Variants in RMND5B observed in about 807,000 individuals in gnomAD.
The protein encoded by RMND5B is required for meiotic nuclear division 5 homolog B.
A neutral mutation model predicts 50.4 loss-of-function variants in RMND5B; 42 were observed. The ratio of observed to expected loss-of-function variants is 0.83; its 90% confidence interval spans 0.65 to 1.08. The LOEUF is 1.08. Among genes scored for constraint, RMND5B ranks in the 50% least tolerant of loss-of-function variants. The pLI is 0.00. For missense variants in RMND5B, 463 were observed against 508.5 expected (o/e 0.91, Z 0.86); for synonymous variants, 220 against 210.0 (o/e 1.05, Z -0.41).
intron 8 of RMND5B, 196 bp from the exon 9 acceptor site, chr5:178,147,337 A>G: frequency 3.4e-6 from 2 of 589,358 alleles, no homozygotes; most frequent in Non-Finnish European, 6.0e-6. Context: ...GTGCATTAGA[A>G]TGAGTCTGTA....
intron 7 of RMND5B, among the ~76,000 whole-genome samples, chr5:178,145,120 G>A (rs964774972): frequency 6.6e-6 from 1 of 152,022 alleles, no homozygotes; most frequent in Non-Finnish European, 1.5e-5. Context: ...TGTGATCCCG[G>A]CTCACTGCAA....
Position 178,137,637 on chromosome 5 carries a change from C to T in RMND5B, c.-12-471C>T, listed in dbSNP as rs1758688558. Among the ~76,000 whole-genome samples the T allele has an allele frequency of 6.6e-6, 1 of 152,132 alleles. No homozygotes were observed. The highest frequency in any genetic ancestry group is 2.1e-4 in the South Asian group (1 of 4,826). On this transcript the variant is annotated intron_variant, in intron 2 of 10. Coordinates refer to ENST00000313386, the MANE Select transcript of RMND5B (RefSeq NM_022762.5). This position sits in a 1 kb window ranked among gnomAD's most constrained non-coding sequence, Gnocchi z 4.4. Reference sequence around the variant, plus strand: ...CTGGGGGGATCAAGGTTGCCATGAGCTGAGTTTGTGCCACTGCACTCTAGC... The same window carrying T: ...CTGGGGGGATCAAGGTTGCCATGAGTTGAGTTTGTGCCACTGCACTCTAGC...
Position 178,150,538 on chromosome 5 carries a change from C to A in RMND5B, c.*2506C>A. ...GGGACTACAGGCATGTGCCACCACA[C>A]CCAGCTAATTAAAAAAATTTTTTTT... On this transcript the variant is annotated 3_prime_UTR_variant, in exon 11 of 11. Transcript: ENST00000313386. 1 of 383,364 alleles carries A rather than the reference C, an allele frequency of 2.6e-6. No individual in the cohort carries two copies. Among genetic ancestry groups the A allele is most frequent in the East Asian group, 6.6e-5 (1 of 15,052 alleles). The allele number at this position is 383,364 out of a possible 1,614,324, so 23.7% of individuals were successfully genotyped here. A position where few individuals can be genotyped will look rare whatever the true frequency, so the allele number is the denominator to read the frequency against.
chr5:178,132,225 G>A (rs1758353070), intron 2 of RMND5B, among the ~76,000 whole-genome samples: 1 of 152,170 alleles, frequency 6.6e-6, no homozygotes, highest in African/African-American at 2.4e-5. Flanking sequence ...AGGATCACTT[G>A]AGGCCAGGAG....
At position 178,150,001 on chromosome 5, in the gene RMND5B, C is replaced by T; in HGVS notation, c.*1969C>T. 1 of 720,202 alleles carries T rather than the reference C, an allele frequency of 1.4e-6. No homozygotes were observed. The highest frequency in any genetic ancestry group is 1.9e-5 in the South Asian group (1 of 52,522). The allele number at this position is 720,202 out of a possible 1,614,324, so 44.6% of individuals were successfully genotyped here. Reference sequence around the variant, plus strand: ...TGAATTGGTTGCCATCATTTAAACTCAATCAGACTTTGAAGGCATGGTCCA... The same window carrying T: ...TGAATTGGTTGCCATCATTTAAACTTAATCAGACTTTGAAGGCATGGTCCA... On this transcript the variant is annotated 3_prime_UTR_variant, in exon 11 of 11. Coordinates refer to ENST00000313386, the MANE Select transcript of RMND5B (RefSeq NM_022762.5).
At chr5:178,142,488 C>CTACG in intron 3 of RMND5B, 95 bp from the exon 4 acceptor site, 1 of 1,408,828 alleles carries the variant, frequency 7.1e-7, no homozygotes, top group Non-Finnish European at 9.7e-7. Context: ...GCCTCCTGGG[C>CTACG]TACGGGGCTG....
Position 178,148,781 on chromosome 5 carries a change from C to CT in RMND5B, c.*751dup, listed in dbSNP as rs1756180403. Reference sequence around the variant, plus strand: ...GCTTTTACATATACCCATACCAGATCTTACTAACTCCATAGGAGAAATCCG... The same window carrying CT: ...GCTTTTACATATACCCATACCAGATCTTTACTAACTCCATAGGAGAAATCCG... On this transcript the variant is annotated 3_prime_UTR_variant, in exon 11 of 11. Transcript: ENST00000313386. 1 of 152,416 alleles carries CT rather than the reference C, an allele frequency of 6.6e-6. No individual in the cohort carries two copies. The highest frequency in any genetic ancestry group is 1.5e-5 in the Non-Finnish European group (1 of 68,218). 9.4% of individuals were successfully genotyped at this position (152,416 alleles called of 1,614,324 possible). A position where few individuals can be genotyped will look rare whatever the true frequency, so the allele number is the denominator to read the frequency against.
chr5:178,136,942 C>T (rs182923727), intron 2 of RMND5B, among the ~76,000 whole-genome samples: 1 of 152,120 alleles, frequency 6.6e-6, no homozygotes, highest in Non-Finnish European at 1.5e-5. Flanking sequence ...TGTGTTGCAG[C>T]AAGAGAGGTT....
At position 178,142,150 on chromosome 5, in the gene RMND5B, T is replaced by G. The variant is rs115360622; in HGVS notation, c.140-433T>G. ...AAATATTGCTGCTATAAATATTCAC[T>G]TACAAGTTTTTGTGTGGACATATGT... On this transcript the variant is annotated intron_variant, in intron 3 of 10. Coordinates refer to ENST00000313386, the MANE Select transcript of RMND5B (RefSeq NM_022762.5). 313 of 163,608 alleles carry G rather than the reference T, an allele frequency of 1.9e-3. 1 individual carries two copies. Among genetic ancestry groups the G allele is most frequent in the African/African-American group, 7.0e-3 (294 of 41,774 alleles). The allele number at this position is 163,608 out of a possible 1,614,324, so 10.1% of individuals were successfully genotyped here.
intron 7 of RMND5B, 98 bp from the exon 8 acceptor site, chr5:178,146,016 C>T (rs902074327): frequency 7.8e-6 from 10 of 1,284,118 alleles, no homozygotes; most frequent in Non-Finnish European, 1.1e-5. Context: ...AGCCACCGGG[C>T]TCAGCATATT....
chr5:178,149,941 G>C lies in RMND5B; in HGVS notation c.*1909G>C, dbSNP rs1172260579. ...CCAGCCTAATCTGGCCCACAACCAT[G>C]TTCTGTTCGGTCCATGTTCTATTTA... On this transcript the variant is annotated 3_prime_UTR_variant, in exon 11 of 11. Coordinates refer to ENST00000313386, the MANE Select transcript of RMND5B (RefSeq NM_022762.5). 1 of 1,246,184 alleles carries C rather than the reference G, an allele frequency of 8.0e-7. No individual in the cohort carries two copies. Among genetic ancestry groups the C allele is most frequent in the Non-Finnish European group, 1.1e-6 (1 of 874,906 alleles). The allele number at this position is 1,246,184 out of a possible 1,614,324, so 77.2% of individuals were successfully genotyped here.
At chr5:178,147,368 C>A in intron 8 of RMND5B, 165 bp from the exon 9 acceptor site, 1 of 615,334 alleles carries the variant, frequency 1.6e-6, no homozygotes, top group Non-Finnish European at 2.9e-6. Flanking sequence ...TACATAAGTA[C>A]ATATGTGACA....
In RMND5B at chr5:178,137,370, A is replaced by G. The variant is rs986382978; in HGVS notation, c.-12-738A>G. On this transcript the variant is annotated intron_variant, in intron 2 of 10. Coordinates refer to ENST00000313386, the MANE Select transcript of RMND5B (RefSeq NM_022762.5). The surrounding 1 kb of genome is among the most constrained non-coding windows in gnomAD (Gnocchi z 4.4). ...GTAGAAAAGCAGTTCCTCTAACTGT[A>G]AGAATGTGGCCATAATAACTCTATG... Among the ~76,000 whole-genome samples the G allele has an allele frequency of 3.3e-5, 5 of 152,188 alleles. No homozygotes were observed. The highest frequency in any genetic ancestry group is 7.2e-5 in the African/African-American group (3 of 41,440).
chr5:178,134,533 AAC>A (rs1758509569), intron 2 of RMND5B, among the ~76,000 whole-genome samples: 1 of 152,194 alleles, frequency 6.6e-6, no homozygotes, highest in Non-Finnish European at 1.5e-5. Context: ...GTCAAAGACA[AAC>A]ACAATTCCTT....
chr5:178,139,153 A>G (rs904179558), intron 3 of RMND5B, among the ~76,000 whole-genome samples: 3 of 151,952 alleles, frequency 2.0e-5, no homozygotes, highest in African/African-American at 7.3e-5. Context: ...AAATAAATAA[A>G]TCAATCCAAG....
At position 178,149,586 on chromosome 5, in the gene RMND5B, G is replaced by C; in HGVS notation, c.*1554G>C. 8.1e-7 allele frequency: 1 copy of C among 1,239,384 alleles called. No homozygotes were observed. Among genetic ancestry groups the C allele is most frequent in the East Asian group, 2.4e-5 (1 of 40,892 alleles). The allele number at this position is 1,239,384 out of a possible 1,614,324, so 76.8% of individuals were successfully genotyped here. A position where few individuals can be genotyped will look rare whatever the true frequency, so the allele number is the denominator to read the frequency against. On this transcript the variant is annotated 3_prime_UTR_variant, in exon 11 of 11. Coordinates refer to ENST00000313386, the MANE Select transcript of RMND5B (RefSeq NM_022762.5). ...CATGAAAGGGCTGTTAGAGCTGCCT[G>C]GGAAGAAGGCGTGCCTTGGGGAACT...
In RMND5B at chr5:178,147,796, A is replaced by T; in HGVS notation, c.1031A>T (p.Gln344Leu). 1.2e-6 allele frequency: 2 copies of T among 1,614,172 alleles called. No homozygotes were observed. Among genetic ancestry groups the T allele is most frequent in the African/African-American group, 1.3e-5 (1 of 75,036 alleles). Reference protein sequence around the residue: ...SVFACPILRQQTSDSNPPIKL... With the variant: ...SVFACPILRQLTSDSNPPIKL... ...TTCGCTTGCCCCATCCTCCGCCAGCAGACGTCAGATTCCAACCCTCCCATC... is the reference window on the plus strand; with the variant it reads ...TTCGCTTGCCCCATCCTCCGCCAGCTGACGTCAGATTCCAACCCTCCCATC... Residue 344 changes from glutamine to leucine, a missense_variant, in exon 10 of 11, where the codon CAG becomes CTG. By Grantham distance (113) the Gln-to-Leu change is moderately radical. Transcript: ENST00000313386.
intron 3 of RMND5B, among the ~76,000 whole-genome samples, chr5:178,139,863 G>C (rs1758825768): frequency 6.6e-6 from 1 of 151,894 alleles, no homozygotes; most frequent in Non-Finnish European, 1.5e-5. Context: ...CGGCTGTTCA[G>C]GAATTTTCAT....
rs1016962701 is a variant in RMND5B, at chr5:178,148,477, T to C, written c.*445T>C. The C allele has an allele frequency of 5.7e-5, 13 of 229,662 alleles. No homozygotes were observed. The highest frequency in any genetic ancestry group is 1.1e-4 in the Non-Finnish European group (13 of 115,060). The allele number at this position is 229,662 out of a possible 1,614,324, so 14.2% of individuals were successfully genotyped here. A position where few individuals can be genotyped will look rare whatever the true frequency, so the allele number is the denominator to read the frequency against. ...CTTCCTCCCACTACAGCCTCAACAGTATGTACCATCTCCCACTGTAAATAG... is the reference window on the plus strand; with the variant it reads ...CTTCCTCCCACTACAGCCTCAACAGCATGTACCATCTCCCACTGTAAATAG... On this transcript the variant is annotated 3_prime_UTR_variant, in exon 11 of 11. Coordinates refer to ENST00000313386, the MANE Select transcript of RMND5B (RefSeq NM_022762.5).
Sources: allele counts gnomAD v4.1 joint callset (sites outside exome capture counted in the v4.1 genomes callset), GRCh38; gene constraint gnomAD v4.1.1; non-coding constraint Gnocchi (gnomAD v3.1); transcripts MANE v1.5; gene names NCBI Gene and HGNC (gene_info 2026-07-23, HGNC 2026-07-21).